Variants in LPP observed in about 807,000 individuals in gnomAD.
LPP encodes LIM domain containing preferred translocation partner in lipoma, also known as lipoma-preferred partner.
LPP carries 38 observed loss-of-function variants against 60.4 expected under a neutral mutation model. That is an observed-to-expected ratio of 0.63 (90% confidence interval 0.49 to 0.83). The LOEUF is 0.83. Among genes scored for constraint, LPP ranks in the 40% least tolerant of loss-of-function variants. The pLI is 0.00. For synonymous variants in LPP, 328 were observed against 290.8 expected (o/e 1.13, Z -1.30); for missense variants, 902 against 783.6 (o/e 1.15, Z -1.80).
chr3:188,262,146 G>A (rs1193855407), intron 2 of LPP, among the ~76,000 whole-genome samples: 1 of 152,104 alleles, frequency 6.6e-6, no homozygotes. Flanking sequence ...TATATACCCC[G>A]AAGGGGTTTG....
At chr3:188,811,567 A>G (rs765455908) in intron 9 of LPP, among the ~76,000 whole-genome samples, 27 of 152,186 alleles carry the variant, frequency 1.8e-4, no homozygotes, top group Non-Finnish European at 3.5e-4. Flanking sequence ...GTTTTATAGC[A>G]ATTACTGGGG....
intron 8 of LPP, among the ~76,000 whole-genome samples, chr3:188,732,945 G>C (rs1463779790): frequency 2.6e-5 from 4 of 151,716 alleles, no homozygotes; most frequent in Non-Finnish European, 5.9e-5. Flanking sequence ...TCTCACCTTA[G>C]TGGTAATTTC....
intron 2 of LPP, among the ~76,000 whole-genome samples, chr3:188,269,333 C>CCT (rs3214938): frequency 0.11 from 17,298 of 152,164 alleles, 1,326 homozygotes; most frequent in African/African-American, 0.21. Flanking sequence ...TTGATTTCCC[C>CCT]GTCTCAAAAT....
At chr3:188,331,405 G>A (rs1422700794) in intron 2 of LPP, among the ~76,000 whole-genome samples, 4 of 152,146 alleles carry the variant, frequency 2.6e-5, no homozygotes, top group Non-Finnish European at 4.4e-5. Flanking sequence ...TCTTTGCAAG[G>A]CAATTTGTTC....
intron 4 of LPP, among the ~76,000 whole-genome samples, chr3:188,408,816 C>T (rs1784276495): frequency 2.7e-5 from 4 of 150,802 alleles, no homozygotes; most frequent in Admixed American, 2.6e-4. Flanking sequence ...CTATGATTTG[C>T]TTGGAGTATG....
chr3:188,309,022 CTTTTTT>C (rs777945680), intron 2 of LPP, among the ~76,000 whole-genome samples: 2 of 119,720 alleles, frequency 1.7e-5, no homozygotes, highest in South Asian at 2.8e-4. Flanking sequence ...TCTTCTTCTT[CTTTTTT>C]TTTTTTTTTT....
intron 2 of LPP, among the ~76,000 whole-genome samples, chr3:188,308,626 GGA>G (rs1288817210): frequency 1.3e-5 from 2 of 152,170 alleles, no homozygotes; most frequent in Non-Finnish European, 2.9e-5. Flanking sequence ...CCTTGCTGGT[GGA>G]GTCATTGTGT....
chr3:188,829,209 C>T (rs1171208633), intron 9 of LPP, among the ~76,000 whole-genome samples: 1 of 152,168 alleles, frequency 6.6e-6, no homozygotes, highest in Non-Finnish European at 1.5e-5. Context: ...AGAAGAAGAG[C>T]TATATTCCCT....
chr3:188,175,166 A>G (rs923595082), intron 1 of LPP, among the ~76,000 whole-genome samples: 1 of 151,778 alleles, frequency 6.6e-6, no homozygotes, highest in Non-Finnish European at 1.5e-5. Flanking sequence ...GGCTCACTGC[A>G]ACTCCACCTC....
At chr3:188,190,128 T>A (rs909897235) in intron 1 of LPP, among the ~76,000 whole-genome samples, 2 of 150,896 alleles carry the variant, frequency 1.3e-5, no homozygotes, top group Non-Finnish European at 3.0e-5. Flanking sequence ...TGATCTTGAC[T>A]CACTGTAACC....
At position 188,760,145 on chromosome 3, in the gene LPP, G is replaced by A. The variant is rs1560167694; in HGVS notation, c.1273G>A (p.Gly425Arg). ...RCARCGENVV[G>R]EGTGCTAMDQ... ...TGCTCGCTGTGGAGAAAACGTAGTTGGGGAAGGTACAGGATGCACTGCCAT... is the reference window on the plus strand; with the variant it reads ...TGCTCGCTGTGGAGAAAACGTAGTTAGGGAAGGTACAGGATGCACTGCCAT... Residue 425 changes from glycine (G) to arginine (R), a missense_variant, in exon 9 of 12, where the codon GGG (glycine) becomes AGG (arginine). Physicochemically the swap from Gly to Arg is moderately radical, Grantham distance 125. Coordinates refer to ENST00000617246, the MANE Select transcript of LPP (RefSeq NM_001375462.1). The A allele has an allele frequency of 6.2e-7, 1 of 1,614,100 alleles. No individual in the cohort carries two copies. The highest frequency in any genetic ancestry group is 1.1e-5 in the South Asian group (1 of 91,072).
chr3:188,200,349 A>C (rs1359337598), intron 1 of LPP, among the ~76,000 whole-genome samples: 1 of 151,578 alleles, frequency 6.6e-6, no homozygotes, highest in African/African-American at 2.4e-5. Flanking sequence ...TCCCAGGTTC[A>C]AGAGATTCTC....
chr3:188,297,795 G>T (rs1748439382), intron 2 of LPP, among the ~76,000 whole-genome samples: 1 of 152,202 alleles, frequency 6.6e-6, no homozygotes, highest in Admixed American at 6.5e-5. Context: ...AGAGACTGAT[G>T]AGACAACTGA....
intron 9 of LPP, among the ~76,000 whole-genome samples, chr3:188,862,590 CCACGATGGAGCTGGATCAG>C (rs1345741790): frequency 1.0e-3 from 153 of 151,772 alleles, no homozygotes; most frequent in African/African-American, 3.5e-3. Flanking sequence ...GTCCATGGGA[CCACGATGGAGCTGGATCAG>C]CAGTCCAGTC....
chr3:188,566,372 T>C (rs1832162741), intron 6 of LPP, among the ~76,000 whole-genome samples: 1 of 151,942 alleles, frequency 6.6e-6, no homozygotes, highest in African/African-American at 2.4e-5. Flanking sequence ...AAAATGAACA[T>C]TGATGGGAAC....
intron 5 of LPP, among the ~76,000 whole-genome samples, chr3:188,516,475 T>G (rs1447507217): frequency 1.3e-5 from 2 of 152,038 alleles, no homozygotes; most frequent in Middle Eastern, 6.3e-3. Context: ...CAAATACCTC[T>G]TAGCTATTAT....
At chr3:188,784,013 T>G (rs1740719344) in intron 9 of LPP, among the ~76,000 whole-genome samples, 1 of 152,152 alleles carries the variant, frequency 6.6e-6, no homozygotes, top group Admixed American at 6.5e-5. Context: ...GAGATTTTCG[T>G]GCACCCATCA....
intron 9 of LPP, among the ~76,000 whole-genome samples, chr3:188,832,603 C>G (rs1487736089): frequency 1.3e-5 from 2 of 152,134 alleles, no homozygotes; most frequent in Non-Finnish European, 2.9e-5. Flanking sequence ...TACAATAATA[C>G]CCTTTACTGT....
At chr3:188,629,267 G>C (rs188730711) in intron 7 of LPP, among the ~76,000 whole-genome samples, 1 of 151,992 alleles carries the variant, frequency 6.6e-6, no homozygotes, top group Admixed American at 6.6e-5. Context: ...AATAGAAAGA[G>C]AGAAAGTCAA....
Sources: allele counts gnomAD v4.1 joint callset (sites outside exome capture counted in the v4.1 genomes callset), GRCh38; gene constraint gnomAD v4.1.1; transcripts MANE v1.5; gene names NCBI Gene and HGNC (gene_info 2026-07-23, HGNC 2026-07-21).